The following ZSCAN25 variants were observed in gnomAD, a reference collection of about 807,000 sequenced individuals.
The protein encoded by ZSCAN25 is zinc finger and SCAN domain-containing protein 25.
Under a neutral mutation model 38.7 loss-of-function variants are expected in ZSCAN25, and 27 were observed. The observed-to-expected ratio is 0.70, with a 90% CI of 0.51 to 0.96. ZSCAN25 has a LOEUF of 0.96. Among genes scored for constraint, ZSCAN25 ranks in the 40% least tolerant of loss-of-function variants. The pLI, the probability that ZSCAN25 is intolerant of heterozygous loss-of-function variation, is 0.00. For synonymous variants in ZSCAN25, 273 were observed against 277.7 expected, an observed-to-expected ratio of 0.98 and a Z score of 0.17; for missense variants, 637 against 705.9, an observed-to-expected ratio of 0.90 and a Z score of 1.11.
chr7:99,713,577 G>C, the ZSCAN25 span: 4 of 1,611,932 alleles, frequency 2.5e-6, no homozygotes, highest in East Asian at 2.2e-5. Context: ...AAAGTGACTC[G>C]TGAAGTCAGA....
the ZSCAN25 span, among the ~76,000 whole-genome samples, chr7:99,646,733 C>T: frequency 6.6e-6 from 1 of 151,782 alleles, no homozygotes; most frequent in East Asian, 1.9e-4. Context: ...ACTAAGTATA[C>T]TCATTGCTAT....
chr7:99,705,213 G>A, the ZSCAN25 span: 1 of 335,142 alleles, frequency 3.0e-6, no homozygotes, highest in Non-Finnish European at 5.6e-6. Context: ...GAGCTCAGGA[G>A]GAGTTAATGG....
intron 1 of ZSCAN25, 76 bp downstream of exon 1, chr7:99,617,092 T>C (rs1371682369): frequency 6.6e-6 from 1 of 152,122 alleles, no homozygotes; most frequent in Non-Finnish European, 1.5e-5. Flanking sequence ...TTGGTGCCGC[T>C]ACGGGGCTCG....
chr7:99,643,776 C>T, the ZSCAN25 span, among the ~76,000 whole-genome samples: 3 of 151,460 alleles, frequency 2.0e-5, no homozygotes, highest in Non-Finnish European at 2.9e-5. Flanking sequence ...ATTGCTCCCC[C>T]CTCTCAGCCC....
Position 99,630,913 on chromosome 7 carries a change from T to C in ZSCAN25, c.*893T>C. The C allele has an allele frequency of 1.0e-6, 1 of 977,362 alleles. No individual in the cohort carries two copies. Among genetic ancestry groups the C allele is most frequent in the South Asian group, 4.7e-5 (1 of 21,122 alleles). The allele number at this position is 977,362 out of a possible 1,614,324, so 60.5% of individuals were successfully genotyped here. ...AATGAGTCTGAAAGATGAACTCTAG[T>C]ATTAATGCCCTATATTTGATGGCAC... On this transcript the variant is annotated 3_prime_UTR_variant, in exon 8 of 8. Transcript: ENST00000394152.
At chr7:99,725,889 C>G in the ZSCAN25 span, among the ~76,000 whole-genome samples, 1 of 152,348 alleles carries the variant, frequency 6.6e-6, no homozygotes, top group East Asian at 1.9e-4. Flanking sequence ...GGGCCTGCTT[C>G]CCTTGCCCCC....
At chr7:99,686,857 T>C in the ZSCAN25 span, among the ~76,000 whole-genome samples, 2 of 152,204 alleles carry the variant, frequency 1.3e-5, no homozygotes, top group East Asian at 3.9e-4. Context: ...GTCACCAATA[T>C]CTGCTGTTCT....
In ZSCAN25 at chr7:99,630,931, G is replaced by C. The variant is rs1807953463; in HGVS notation, c.*911G>C. On this transcript the variant is annotated 3_prime_UTR_variant, in exon 8 of 8. Transcript: ENST00000394152. ...ACTCTAGTATTAATGCCCTATATTTGATGGCACTTTATAGTTCATAAAATT... is the reference window on the plus strand; with the variant it reads ...ACTCTAGTATTAATGCCCTATATTTCATGGCACTTTATAGTTCATAAAATT... 5 of 965,626 alleles carry C rather than the reference G, an allele frequency of 5.2e-6. No individual in the cohort carries two copies. The highest frequency in any genetic ancestry group is 6.2e-6 in the Non-Finnish European group (5 of 812,128). 59.8% of individuals were successfully genotyped at this position (965,626 alleles called of 1,614,324 possible). A position where few individuals can be genotyped will look rare whatever the true frequency, so the allele number is the denominator to read the frequency against.
At chr7:99,675,630 T>TCC in the ZSCAN25 span, among the ~76,000 whole-genome samples, 1 of 18,622 alleles carries the variant, frequency 5.4e-5, no homozygotes, top group Non-Finnish European at 1.4e-4. Context: ...TCCTTTTCTC[T>TCC]CCTCTCCTCT....
At chr7:99,705,547 T>C in the ZSCAN25 span, 2 of 1,613,568 alleles carry the variant, frequency 1.2e-6, no homozygotes, top group South Asian at 2.2e-5. Context: ...TTTAGAACAA[T>C]GGGTTTTTCT....
At chr7:99,687,033 C>A in the ZSCAN25 span, among the ~76,000 whole-genome samples, 4 of 152,258 alleles carry the variant, frequency 2.6e-5, no homozygotes, top group East Asian at 7.7e-4. Context: ...ACATCACCAT[C>A]ATCAAAGACC....
the ZSCAN25 span, chr7:99,660,625 T>G: frequency 6.2e-7 from 1 of 1,613,892 alleles, no homozygotes; most frequent in South Asian, 1.1e-5. Context: ...AAATGAAGAT[T>G]ATTGACTGGG....
the ZSCAN25 span, chr7:99,721,052 C>T: frequency 1.3e-5 from 2 of 153,006 alleles, no homozygotes; most frequent in Non-Finnish European, 1.5e-5. Context: ...CACCACTGCA[C>T]CTCTTCCACC....
At chr7:99,690,159 A>G in the ZSCAN25 span, among the ~76,000 whole-genome samples, 1 of 152,208 alleles carries the variant, frequency 6.6e-6, no homozygotes, top group Non-Finnish European at 1.5e-5. Flanking sequence ...ATCTACAACC[A>G]TCTGATCTTT....
intron 4 of ZSCAN25, 22 bp downstream of exon 4, chr7:99,620,015 G>C: frequency 1.9e-6 from 3 of 1,595,766 alleles, no homozygotes; most frequent in Non-Finnish European, 2.6e-6. Flanking sequence ...GGGGATCCAG[G>C]TCTGGCGCCC....
At chr7:99,664,697 T>C in the ZSCAN25 span, among the ~76,000 whole-genome samples, 2 of 152,214 alleles carry the variant, frequency 1.3e-5, no homozygotes, top group Non-Finnish European at 2.9e-5. Flanking sequence ...GGGAAATTTA[T>C]AGCTGTAATA....
chr7:99,623,985 G>T, intron 6 of ZSCAN25, 72 bp from the exon 7 acceptor site: 1 of 1,604,342 alleles, frequency 6.2e-7, no homozygotes, highest in Non-Finnish European at 8.5e-7. Flanking sequence ...GAGGAAGTTG[G>T]ATTACAGACA....
At chr7:99,624,433 C>T in intron 7 of ZSCAN25, 1 of 510,852 alleles carries the variant, frequency 2.0e-6, no homozygotes, top group Non-Finnish European at 3.6e-6. Flanking sequence ...GACCCCCAAA[C>T]ACCTACATTG....
At chr7:99,632,989 G>GTTGTTTT (rs1554412109), downstream of ZSCAN25, among the ~76,000 whole-genome samples, 1 of 128,528 alleles carries the variant, frequency 7.8e-6, no homozygotes, top group African/African-American at 3.0e-5. Flanking sequence ...ATTTTCTGTT[G>GTTGTTTT]TTTTTTTTTT....
Sources: gnomAD v4.1 joint callset for allele counts (sites outside exome capture counted in the v4.1 genomes callset) on GRCh38, gnomAD v4.1.1 for gene constraint, MANE v1.5 for transcripts, NCBI Gene and HGNC (gene_info 2026-07-23, HGNC 2026-07-21) for gene names.